The following LARGE1 variants were observed in gnomAD, a reference collection of about 807,000 sequenced individuals.
LARGE1 encodes the protein xylosyl- and glucuronyltransferase LARGE1.
A neutral mutation model predicts 87.6 loss-of-function variants in LARGE1; 43 were observed. That is an observed-to-expected ratio of 0.49 (90% CI 0.38 to 0.63). LARGE1 has a LOEUF of 0.63. LARGE1 is among the 30% of genes least tolerant of loss of function. The probability of loss-of-function intolerance (pLI) is 0.00; values close to 1 mark genes in which losing one functional copy is unlikely to be tolerated. For synonymous variants in LARGE1, 434 were observed against 394.6 expected (o/e 1.10, Z -1.18); for missense variants, 802 against 1,000.2 (o/e 0.80, Z 2.67).
rs538911755 is a variant in LARGE1 at position 33,602,668 on chromosome 22, T to C, written c.615+1767A>G. 2.6e-5 allele frequency among the ~76,000 whole-genome samples: 4 copies of C among 151,768 alleles called. No homozygotes were observed. The South Asian group carries it at 8.3e-4, about 32-fold the overall frequency. On this transcript the variant is annotated intron_variant, in intron 5 of 14. Transcript: ENST00000397394. Reference sequence around the variant, plus strand: ...TGACTACAGGTGTGTGCCGTCACACTTGGCTAATTTTTAAAATTTTTTTGT... The same window carrying C: ...TGACTACAGGTGTGTGCCGTCACACCTGGCTAATTTTTAAAATTTTTTTGT...
chr22:33,622,207 C>T (rs1188675712), intron 4 of LARGE1, among the ~76,000 whole-genome samples: 1 of 152,106 alleles, frequency 6.6e-6, no homozygotes, highest in Non-Finnish European at 1.5e-5. Flanking sequence ...AGGGAGAGAC[C>T]AGGTGGAGGT....
At chr22:33,325,605 T>C (rs1245858930) in intron 10 of LARGE1, among the ~76,000 whole-genome samples, 1 of 152,232 alleles carries the variant, frequency 6.6e-6, no homozygotes, top group African/African-American at 2.4e-5. Context: ...CTGCTTGTGC[T>C]ACCTTGACTA....
chr22:33,348,273 C>A, intron 9 of LARGE1, among the ~76,000 whole-genome samples: 1 of 87,784 alleles, frequency 1.1e-5, no homozygotes, highest in Admixed American at 1.3e-4. Flanking sequence ...TCCCCGCTCC[C>A]CCACCCACCC....
At chr22:33,696,932 T>A (rs2082270297) in intron 2 of LARGE1, among the ~76,000 whole-genome samples, 1 of 152,158 alleles carries the variant, frequency 6.6e-6, no homozygotes, top group Admixed American at 6.5e-5. Flanking sequence ...TCCCATTGTA[T>A]CCCTTTATCC....
intron 2 of LARGE1, among the ~76,000 whole-genome samples, chr22:33,679,678 C>T (rs2081690690): frequency 1.3e-5 from 2 of 152,070 alleles, no homozygotes; most frequent in African/African-American, 4.8e-5. Flanking sequence ...CCTGTCTCTA[C>T]CAAAAGTACA....
At chr22:33,701,886 T>C (rs1175350653) in intron 2 of LARGE1, among the ~76,000 whole-genome samples, 1 of 152,184 alleles carries the variant, frequency 6.6e-6, no homozygotes, top group Non-Finnish European at 1.5e-5. Context: ...GAGGGCACAA[T>C]GAAGTAATCA....
At position 33,239,535 on chromosome 22, in the gene LARGE1, CTT is replaced by C. The variant is rs71187254; in HGVS notation, c.1730+64692_1730+64693del. Among the ~76,000 whole-genome samples, 603 of 95,200 alleles carry C rather than the reference CTT, an allele frequency of 6.3e-3. 4 individuals are homozygous for C. The highest frequency in any genetic ancestry group is 0.022 in the African/African-American group (557 of 25,380). 62.5% of individuals were successfully genotyped at this position (95,200 alleles called of 152,430 possible). ...GCCTTACTATTTCTTTTTTTCTTTT[CTT>C]TTTTTTTTTTTTTTTTTTTGAGACA... On this transcript the variant is annotated intron_variant, in intron 11 of 11. Transcript: ENST00000608642.
chr22:33,424,651 C>T (rs1201298001), intron 7 of LARGE1, among the ~76,000 whole-genome samples: 1 of 151,644 alleles, frequency 6.6e-6, no homozygotes, highest in African/African-American at 2.4e-5. Context: ...AAAGTGAGAC[C>T]CTGTCTATAT....
chr22:33,542,729 TA>T (rs1370222152), intron 6 of LARGE1, among the ~76,000 whole-genome samples: 7 of 151,736 alleles, frequency 4.6e-5, no homozygotes, highest in Non-Finnish European at 8.8e-5. Context: ...ATCAGATCCA[TA>T]GACCTGAAAG....
intron 6 of LARGE1, among the ~76,000 whole-genome samples, chr22:33,519,931 T>A (rs564888022): frequency 6.6e-5 from 10 of 152,052 alleles, no homozygotes; most frequent in African/African-American, 2.4e-4. Context: ...AAGAAGTTTG[T>A]ACTCCCTGGC....
intron 9 of LARGE1, among the ~76,000 whole-genome samples, chr22:33,343,679 A>G (rs1410670377): frequency 2.0e-5 from 3 of 152,088 alleles, no homozygotes; most frequent in African/African-American, 7.2e-5. Context: ...TTCAATCAAA[A>G]CAACCTGGTA....
At chr22:33,497,722 CT>C (rs1461179642) in intron 6 of LARGE1, among the ~76,000 whole-genome samples, 1 of 152,194 alleles carries the variant, frequency 6.6e-6, no homozygotes, top group Non-Finnish European at 1.5e-5. Flanking sequence ...TTTCCTAACA[CT>C]GCTAAATATC....
At chr22:33,201,934 G>A (rs137448) in intron 11 of LARGE1, among the ~76,000 whole-genome samples, 84,910 of 151,596 alleles carry the variant, frequency 0.56, 24,076 homozygotes, top group Middle Eastern at 0.62. Context: ...TCAGGAGATC[G>A]AGACCATCCT....
chr22:33,755,707 C>A (rs534225462), intron 2 of LARGE1, among the ~76,000 whole-genome samples: 1 of 152,324 alleles, frequency 6.6e-6, no homozygotes, highest in South Asian at 2.1e-4. Flanking sequence ...ATGCTCACAG[C>A]ACCAAGAGCC....
chr22:33,268,879 T>C (rs1013703481), downstream of LARGE1, among the ~76,000 whole-genome samples: 1 of 152,236 alleles, frequency 6.6e-6, no homozygotes, highest in Non-Finnish European at 1.5e-5. Flanking sequence ...ATGGTAAACC[T>C]TCTGAATCTG....
At chr22:33,516,559 G>A (rs936369245) in intron 6 of LARGE1, among the ~76,000 whole-genome samples, 15 of 151,988 alleles carry the variant, frequency 9.9e-5, no homozygotes, top group Admixed American at 2.6e-4. Context: ...CAAGATGATG[G>A]GGTGGAAGCC....
chr22:33,642,720 A>C (rs2080480110), intron 3 of LARGE1, among the ~76,000 whole-genome samples: 1 of 144,376 alleles, frequency 6.9e-6, no homozygotes, highest in African/African-American at 2.6e-5. Context: ...CAAAAAAAAA[A>C]AAAAAAAAAA....
intron 6 of LARGE1, among the ~76,000 whole-genome samples, chr22:33,561,456 A>G (rs1290037806): frequency 1.3e-5 from 2 of 152,222 alleles, no homozygotes; most frequent in Admixed American, 6.5e-5. Flanking sequence ...CCTGCCAGGT[A>G]TACCAGAAGT....
chr22:33,541,080 T>TGGGGGG, intron 6 of LARGE1, among the ~76,000 whole-genome samples: 1 of 30,134 alleles, frequency 3.3e-5, no homozygotes, highest in African/African-American at 1.1e-4. Flanking sequence ...GGGGGCGGGT[T>TGGGGGG]GCAGGGGGAG....
Sources: gnomAD v4.1 joint callset for allele counts (sites outside exome capture counted in the v4.1 genomes callset) on GRCh38, gnomAD v4.1.1 for gene constraint, MANE v1.5 for transcripts, NCBI Gene and HGNC (gene_info 2026-07-23, HGNC 2026-07-21) for gene names.